The following TMCC1 variants were observed in gnomAD, a reference collection of about 807,000 sequenced individuals.
TMCC1 encodes transmembrane and coiled-coil domain family 1, also known as transmembrane and coiled-coil domains protein 1.
Under a neutral mutation model 52.4 loss-of-function variants are expected in TMCC1, and 15 were observed. The observed-to-expected ratio is 0.29, with a 90% CI of 0.19 to 0.44. The LOEUF (loss-of-function observed/expected upper bound fraction) is 0.44. Ranked by LOEUF, TMCC1 falls within the 20% of genes least tolerant of loss-of-function variation. The pLI is 1.00. For missense variants in TMCC1, 503 were observed against 806.0 expected (o/e 0.62, Z 4.55); for synonymous variants, 279 against 301.9 (o/e 0.92, Z 0.79).
At chr3:129,713,429 T>A (rs570158154) in intron 4 of TMCC1, among the ~76,000 whole-genome samples, 1 of 152,234 alleles carries the variant, frequency 6.6e-6, no homozygotes, top group African/African-American at 2.4e-5. Flanking sequence ...ATATGTATGA[T>A]AAAACATATA....
At chr3:129,870,718 CG>C (rs56383150) in intron 2 of TMCC1, among the ~76,000 whole-genome samples, 8 of 13,896 alleles carry the variant, frequency 5.8e-4, no homozygotes, top group Admixed American at 3.2e-3. Flanking sequence ...CGCGGGTTGG[CG>C]GGGGGGGGGG....
chr3:129,677,274 C>A (rs2088537615), intron 4 of TMCC1, among the ~76,000 whole-genome samples: 1 of 151,920 alleles, frequency 6.6e-6, no homozygotes, highest in Non-Finnish European at 1.5e-5. Context: ...AATAGTGACT[C>A]AGGCTATAAT....
chr3:129,727,772 G>A lies in TMCC1; in HGVS notation c.577-56508C>T, dbSNP rs532682558. On this transcript the variant is annotated intron_variant, in intron 4 of 6. Transcript: ENST00000393238. ...AGCCCTCTTGGTACTGATGCCCCAC[G>A]TAGTCTTCTTCCCATACTGACTTTG... Among the ~76,000 whole-genome samples, 16 of 152,292 alleles carry A rather than the reference G, an allele frequency of 1.1e-4. No individual in the cohort carries two copies. In the South Asian group the frequency reaches 3.3e-3, roughly 32 times the overall value.
chr3:129,778,184 C>T lies in TMCC1; in HGVS notation c.576+49619G>A, dbSNP rs746066600. 3.3e-5 allele frequency among the ~76,000 whole-genome samples: 5 copies of T among 152,318 alleles called. No homozygotes were observed. The East Asian group carries it at 9.6e-4, about 29-fold the overall frequency. Reference sequence around the variant, plus strand: ...CTTAGCAAGCAAAACTTAAACAAGACATATTCTTCTAAGCTGAAATGTTCT... The same window carrying T: ...CTTAGCAAGCAAAACTTAAACAAGATATATTCTTCTAAGCTGAAATGTTCT... On this transcript the variant is annotated intron_variant, in intron 4 of 6. Transcript: ENST00000393238.
Position 129,648,904 on chromosome 3 carries a change from A to C in TMCC1, c.*2577T>G, listed in dbSNP as rs1406606099. 6.6e-6 allele frequency: 1 copy of C among 152,240 alleles called. No individual in the cohort carries two copies. Among genetic ancestry groups the C allele is most frequent in the Non-Finnish European group, 1.5e-5 (1 of 68,048 alleles). The allele number at this position is 152,240 out of a possible 1,614,324, so 9.4% of individuals were successfully genotyped here. On this transcript the variant is annotated 3_prime_UTR_variant, in exon 7 of 7. Coordinates refer to ENST00000393238, the MANE Select transcript of TMCC1 (RefSeq NM_001017395.5). The stretch of plus-strand genomic sequence containing the variant: ...TTACAAACAGCATTAAATGCGTACA[A>C]CTTCTGGGTCTGGTGAATAATTAAG...
chr3:129,772,939 A>C (rs1388918755), intron 4 of TMCC1, among the ~76,000 whole-genome samples: 4 of 152,306 alleles, frequency 2.6e-5, no homozygotes, highest in African/African-American at 9.6e-5. Context: ...AACTGTTGGT[A>C]GGAATGCAAA....
intron 2 of TMCC1, among the ~76,000 whole-genome samples, chr3:129,874,353 A>C (rs1303618651): frequency 2.0e-5 from 3 of 152,156 alleles, no homozygotes; most frequent in African/African-American, 7.2e-5. Flanking sequence ...ATGTCTTCTG[A>C]CTCAATTTAC....
chr3:129,676,150 G>C (rs981261067), intron 4 of TMCC1, among the ~76,000 whole-genome samples: 67 of 151,872 alleles, frequency 4.4e-4, no homozygotes, highest in African/African-American at 1.6e-3. Context: ...AGCAGCAGCA[G>C]TCCCAGCTAC....
intron 1 of TMCC1, among the ~76,000 whole-genome samples, chr3:129,888,307 T>C (rs999285883): frequency 2.0e-5 from 3 of 152,200 alleles, no homozygotes; most frequent in African/African-American, 7.2e-5. Context: ...CAGTTACATA[T>C]AGAAACATAT....
At chr3:129,688,426 C>T (rs1051530248) in intron 4 of TMCC1, 1 of 985,458 alleles carries the variant, frequency 1.0e-6, no homozygotes, top group East Asian at 1.1e-4. Flanking sequence ...ATGCTTTCCC[C>T]CACCAAAGAG....
At chr3:129,770,621 TG>T (rs2054492127) in intron 4 of TMCC1, among the ~76,000 whole-genome samples, 2 of 151,242 alleles carry the variant, frequency 1.3e-5, no homozygotes, top group East Asian at 2.0e-4. Context: ...TGAAATGAAA[TG>T]AAATGAAATG....
intron 4 of TMCC1, among the ~76,000 whole-genome samples, chr3:129,690,659 ACC>A (rs560339402): frequency 6.6e-5 from 10 of 152,092 alleles, no homozygotes; most frequent in Admixed American, 1.3e-4. Flanking sequence ...ATCCTCTCTT[ACC>A]CTACCACTGA....
chr3:129,800,817 G>A (rs957814629), intron 4 of TMCC1, among the ~76,000 whole-genome samples: 6 of 151,578 alleles, frequency 4.0e-5, no homozygotes, highest in African/African-American at 1.5e-4. Flanking sequence ...CATCAGACAT[G>A]ATTATTTTTC....
intron 4 of TMCC1, among the ~76,000 whole-genome samples, chr3:129,728,839 T>G (rs889366113): frequency 2.0e-5 from 3 of 152,214 alleles, no homozygotes; most frequent in African/African-American, 7.2e-5. Context: ...TATAACTTTC[T>G]GAGACTGATT....
chr3:129,815,550 C>T (rs1261289819), intron 4 of TMCC1, among the ~76,000 whole-genome samples: 1 of 152,016 alleles, frequency 6.6e-6, no homozygotes, highest in Non-Finnish European at 1.5e-5. Flanking sequence ...CAACCACCTG[C>T]AGAATGGAAC....
intron 4 of TMCC1, among the ~76,000 whole-genome samples, chr3:129,770,375 G>T (rs1483766347): frequency 6.6e-6 from 1 of 152,106 alleles, no homozygotes; most frequent in Non-Finnish European, 1.5e-5. Flanking sequence ...AATTAGCTGG[G>T]CATGGTGTTG....
rs1199568856 is a variant in TMCC1, at chr3:129,708,354, TA to T, written c.577-37091del. On this transcript the variant is annotated intron_variant, in intron 4 of 6. Coordinates refer to ENST00000393238, the MANE Select transcript of TMCC1 (RefSeq NM_001017395.5). The stretch of plus-strand genomic sequence containing the variant: ...CTAATTCTTAAAATGTACTGCAATG[TA>T]ACAAGAGCTTTGTCTGATTTAGATT... 1.1e-4 allele frequency among the ~76,000 whole-genome samples: 16 copies of T among 152,348 alleles called. No homozygotes were observed. In the South Asian group the frequency reaches 3.3e-3, roughly 32 times the overall value.
intron 3 of TMCC1, among the ~76,000 whole-genome samples, chr3:129,830,264 T>C (rs1488620272): frequency 6.6e-6 from 1 of 152,206 alleles, no homozygotes; most frequent in Non-Finnish European, 1.5e-5. Context: ...ATGACTGTCT[T>C]GGCCTCTGGT....
chr3:129,698,183 G>A (rs990733405), intron 4 of TMCC1, among the ~76,000 whole-genome samples: 1 of 152,134 alleles, frequency 6.6e-6, no homozygotes, highest in African/African-American at 2.4e-5. Flanking sequence ...AGGTTTAATG[G>A]ACTCATAGTT....
Sources: allele counts gnomAD v4.1 joint callset (sites outside exome capture counted in the v4.1 genomes callset), GRCh38; gene constraint gnomAD v4.1.1; transcripts MANE v1.5; gene names NCBI Gene and HGNC (gene_info 2026-07-23, HGNC 2026-07-21).